DMC1: variants seen among roughly 807,000 people sequenced by gnomAD.
The protein encoded by DMC1 is DNA meiotic recombinase 1, also known as meiotic recombination protein DMC1 homolog.
In DMC1, 27 loss-of-function variants were observed where a neutral mutation model predicts 50.1. The observed-to-expected ratio is 0.54, with a 90% CI of 0.40 to 0.74. The LOEUF (loss-of-function observed/expected upper bound fraction) is 0.74. Ranked by LOEUF, DMC1 falls within the 30% of genes least tolerant of loss-of-function variation. The pLI is 0.00. For synonymous variants in DMC1, 148 were observed against 136.1 expected (o/e 1.09, Z -0.61); for missense variants, 295 against 420.2 (o/e 0.70, Z 2.60).
At chr22:38,526,437 T>G (rs1340961035) in intron 12 of DMC1, among the ~76,000 whole-genome samples, 1 of 152,044 alleles carries the variant, frequency 6.6e-6, no homozygotes, top group South Asian at 2.1e-4. Flanking sequence ...CTCGAACTCC[T>G]GACCTCATGA....
At chr22:38,517,981 T>C (rs1426575116), downstream of DMC1, among the ~76,000 whole-genome samples, 7 of 152,078 alleles carry the variant, frequency 4.6e-5, no homozygotes, top group South Asian at 1.0e-3. Context: ...TTACTTTTTT[T>C]TTTTTTTTTG....
At chr22:38,535,652 G>T (rs1452003463) in intron 12 of DMC1, among the ~76,000 whole-genome samples, 1 of 151,262 alleles carries the variant, frequency 6.6e-6, no homozygotes, top group Non-Finnish European at 1.5e-5. Context: ...CTGTCACCCA[G>T]GCTGGAGTGC....
chr22:38,513,155 G>A, the DMC1 span, among the ~76,000 whole-genome samples: 1 of 152,048 alleles, frequency 6.6e-6, no homozygotes, highest in Non-Finnish European at 1.5e-5. Flanking sequence ...GGCATGGATG[G>A]GAGTCTGAGC....
At chr22:38,541,211 T>G (rs1225196666) in intron 8 of DMC1, among the ~76,000 whole-genome samples, 1 of 152,216 alleles carries the variant, frequency 6.6e-6, no homozygotes, top group Admixed American at 6.5e-5. Context: ...GTAAATTTAC[T>G]GAGGCTCCAG....
chr22:38,549,616 C>T (rs990479986), intron 8 of DMC1: 3 of 243,482 alleles, frequency 1.2e-5, no homozygotes, highest in Admixed American at 5.5e-5. Context: ...AGGGAGATTC[C>T]GTCTCAAAAA....
intron 1 of DMC1, chr22:38,569,393 A>G (rs1474751116): frequency 2.0e-5 from 3 of 152,082 alleles, no homozygotes; most frequent in Non-Finnish European, 4.4e-5. Flanking sequence ...GTTGGACCCT[A>G]GAACAAAGGG....
intron 5 of DMC1, among the ~76,000 whole-genome samples, chr22:38,558,120 C>T (rs1236143788): frequency 6.6e-6 from 1 of 151,432 alleles, no homozygotes; most frequent in Non-Finnish European, 1.5e-5. Context: ...CGCCACCATG[C>T]CCGGCTAATT....
At chr22:38,536,997 C>T (rs1399866823) in intron 12 of DMC1, among the ~76,000 whole-genome samples, 2 of 151,392 alleles carry the variant, frequency 1.3e-5, no homozygotes, top group African/African-American at 4.8e-5. Flanking sequence ...ATTACAGGTG[C>T]ACGCCACCAC....
chr22:38,568,531 CTTAT>C (rs1390479077), intron 1 of DMC1: 17 of 507,760 alleles, frequency 3.3e-5, no homozygotes, highest in Admixed American at 1.3e-4. Flanking sequence ...TTGGGGGGTG[CTTAT>C]TTAGTTTCTT....
At chr22:38,528,645 G>A (rs147765233) in intron 12 of DMC1, among the ~76,000 whole-genome samples, 10 of 152,048 alleles carry the variant, frequency 6.6e-5, no homozygotes, top group South Asian at 2.1e-4. Context: ...AAATTAACCC[G>A]GTGTGGTGGC....
chr22:38,514,425 A>G (rs1433596733), downstream of DMC1, among the ~76,000 whole-genome samples: 2 of 151,410 alleles, frequency 1.3e-5, no homozygotes, highest in African/African-American at 4.9e-5. Flanking sequence ...TTGTATTTTT[A>G]GTAGAGACGG....
chr22:38,545,706 C>T (rs981164538), intron 8 of DMC1: 4 of 152,126 alleles, frequency 2.6e-5, no homozygotes, highest in Non-Finnish European at 5.9e-5. Context: ...CAGGTGTGAG[C>T]CACAGCGGCC....
downstream of DMC1, among the ~76,000 whole-genome samples, chr22:38,518,329 T>G (rs1373452528): frequency 6.6e-6 from 1 of 152,218 alleles, no homozygotes; most frequent in Non-Finnish European, 1.5e-5. Flanking sequence ...GAATTAATTA[T>G]ATAATCATTT....
At chr22:38,518,420 GTTTATTC>G (rs2089991054), downstream of DMC1, among the ~76,000 whole-genome samples, 1 of 152,050 alleles carries the variant, frequency 6.6e-6, no homozygotes, top group Non-Finnish European at 1.5e-5. Flanking sequence ...CATTTTCCTT[GTTTATTC>G]TTTAGCGCTT....
intron 8 of DMC1, among the ~76,000 whole-genome samples, chr22:38,543,012 T>C (rs2090303180): frequency 6.6e-6 from 1 of 152,042 alleles, no homozygotes; most frequent in Non-Finnish European, 1.5e-5. Flanking sequence ...AGCAGAAGAA[T>C]GAAATTAGAC....
chr22:38,514,827 T>C (rs2089965149), downstream of DMC1, among the ~76,000 whole-genome samples: 1 of 152,168 alleles, frequency 6.6e-6, no homozygotes, highest in Non-Finnish European at 1.5e-5. Flanking sequence ...ACTCCTTTCC[T>C]GGAAAATTCA....
intron 1 of DMC1, chr22:38,568,508 C>G (rs1345894966): frequency 1.9e-6 from 1 of 538,354 alleles, no homozygotes; most frequent in East Asian, 3.1e-5. Context: ...CACACAGATG[C>G]CTGAGGGGCA....
intron 5 of DMC1, among the ~76,000 whole-genome samples, chr22:38,557,980 T>TTTTTTTTTTTTTTTTTTTTTTA (rs1491173585): frequency 7.0e-6 from 1 of 142,712 alleles, no homozygotes; most frequent in Non-Finnish European, 1.5e-5. Flanking sequence ...TTTTTTTTTT[T>TTTTTTTTTTTTTTTTTTTTTTA]GAGACGGAGT....
At chr22:38,550,434 C>T (rs1213850838) in intron 7 of DMC1, among the ~76,000 whole-genome samples, 3 of 150,718 alleles carry the variant, frequency 2.0e-5, no homozygotes, top group Admixed American at 6.6e-5. Context: ...CTGCCTCAGC[C>T]TCCCAAGTAG....
Sources: allele counts gnomAD v4.1 joint callset (sites outside exome capture counted in the v4.1 genomes callset), GRCh38; gene constraint gnomAD v4.1.1; transcripts MANE v1.5; gene names NCBI Gene and HGNC (gene_info 2026-07-23, HGNC 2026-07-21).